TRAIP: variants seen among roughly 807,000 people sequenced by gnomAD.
TRAIP encodes TRAF interacting protein, also known as E3 ubiquitin-protein ligase TRAIP.
Under a neutral mutation model 65.0 loss-of-function variants are expected in TRAIP, and 37 were observed. That is an observed-to-expected ratio of 0.57 (90% CI 0.44 to 0.75). The LOEUF (loss-of-function observed/expected upper bound fraction) is 0.75, where lower values mean the gene tolerates loss of function less well. Ranked by LOEUF, TRAIP falls within the 30% of genes least tolerant of loss-of-function variation. The pLI is 0.00. For synonymous variants in TRAIP, 187 were observed against 219.1 expected, an observed-to-expected ratio of 0.85 and a Z score of 1.29; for missense variants, 481 against 579.4, an observed-to-expected ratio of 0.83 and a Z score of 1.74.
rs2081708827 is a variant in TRAIP, at chr3:49,829,141, G to C, written c.1372C>G (p.Leu458Val). The change falls in exon 15 of 15, where the codon CTC becomes GTC. Residue 458 changes from leucine to valine, a missense_variant. By Grantham distance (32) the Leu-to-Val change is conservative. Coordinates refer to ENST00000331456, the MANE Select transcript of TRAIP (RefSeq NM_005879.3). Reference protein sequence around the residue: ...QRVRVKTVPSLFQAKLDTFLW... With the variant: ...QRVRVKTVPSVFQAKLDTFLW... ...AAGGTGTCCAGCTTGGCCTGGAAGA[G>C]AGAAGGCACTGTCTTCACCCTCACC... 1 of 1,614,232 alleles carries C rather than the reference G, an allele frequency of 6.2e-7. No individual in the cohort carries two copies. The highest frequency in any genetic ancestry group is 8.5e-7 in the Non-Finnish European group (1 of 1,180,048).
chr3:49,842,590 A>G (rs763235477), intron 5 of TRAIP, 43 bp from the exon 6 acceptor site: 13 of 1,577,144 alleles, frequency 8.2e-6, no homozygotes, highest in Non-Finnish European at 1.1e-5. Flanking sequence ...GGAGGCCCTC[A>G]GGAGCCATTG....
chr3:49,854,286 C>CT (rs1674966541), intron 1 of TRAIP, among the ~76,000 whole-genome samples: 1 of 152,360 alleles, frequency 6.6e-6, no homozygotes, highest in East Asian at 1.9e-4. Context: ...GATTGTACCA[C>CT]TGCAGACCAG....
At chr3:49,833,761 G>A (rs1356350357) in intron 10 of TRAIP, among the ~76,000 whole-genome samples, 2 of 152,186 alleles carry the variant, frequency 1.3e-5, no homozygotes, top group African/African-American at 4.8e-5. Context: ...TTACAGGCAT[G>A]AGCCACCGCG....
intron 10 of TRAIP, among the ~76,000 whole-genome samples, chr3:49,838,690 AGCCTG>A (rs1247327057): frequency 2.0e-5 from 3 of 152,174 alleles, no homozygotes; most frequent in Non-Finnish European, 2.9e-5. Context: ...GTTCAAGACC[AGCCTG>A]GCCAACATGG....
At chr3:49,836,487 T>C (rs1240286790) in intron 10 of TRAIP, among the ~76,000 whole-genome samples, 55 of 151,586 alleles carry the variant, frequency 3.6e-4, no homozygotes, top group Non-Finnish European at 2.9e-5. Flanking sequence ...CAAGACACTG[T>C]TTCAAAAAAA....
chr3:49,856,252 T>C (rs770362195), intron 1 of TRAIP, 104 bp downstream of exon 1: 8 of 989,922 alleles, frequency 8.1e-6, no homozygotes, highest in Non-Finnish European at 1.2e-5. Flanking sequence ...AAGGTTCTCA[T>C]CACTTGTCTG....
chr3:49,831,333 T>TATAG (rs1270154968), intron 11 of TRAIP, among the ~76,000 whole-genome samples: 4 of 152,190 alleles, frequency 2.6e-5, no homozygotes, highest in Non-Finnish European at 5.9e-5. Flanking sequence ...TATGAATGAG[T>TATAG]ATAGTCCTTG....
In TRAIP at chr3:49,856,472, G is replaced by T. The variant is rs765203604; in HGVS notation, c.-19C>A. 8 of 1,607,060 alleles carry T rather than the reference G, an allele frequency of 5.0e-6. No individual in the cohort carries two copies. Among genetic ancestry groups the T allele is most frequent in the Non-Finnish European group, 6.0e-6 (7 of 1,175,776 alleles). On this transcript the variant is annotated 5_prime_UTR_variant, in exon 1 of 15. Coordinates refer to ENST00000331456, the MANE Select transcript of TRAIP (RefSeq NM_005879.3). ...TAGGCATGATGGCTGGACTCAAGGG[G>T]CCCAGGCAGCCAAAGAAACTGCTAC...
At chr3:49,854,798 T>C (rs2081958148) in intron 1 of TRAIP, among the ~76,000 whole-genome samples, 1 of 152,112 alleles carries the variant, frequency 6.6e-6, no homozygotes, top group Non-Finnish European at 1.5e-5. Flanking sequence ...GGTTCACACC[T>C]GTAATCCTAG....
chr3:49,840,107 G>A (rs533311605), intron 9 of TRAIP, among the ~76,000 whole-genome samples, 177 bp downstream of exon 9: 3 of 152,308 alleles, frequency 2.0e-5, no homozygotes, highest in Admixed American at 2.0e-4. Context: ...CCTCTGTTGA[G>A]GAGGCCCAGG....
At chr3:49,842,371 C>T in intron 6 of TRAIP, 82 bp downstream of exon 6, 1 of 1,399,554 alleles carries the variant, frequency 7.1e-7, no homozygotes, top group Non-Finnish European at 1.0e-6. Context: ...CCCAATCCCA[C>T]TCCCTGCTGC....
Position 49,835,156 on chromosome 3 carries a change from C to T in TRAIP, c.885-3088G>A, listed in dbSNP as rs534802816. On this transcript the variant is annotated intron_variant, in intron 10 of 14. Transcript: ENST00000331456. Reference sequence around the variant, plus strand: ...CCAGGGGGTGGAGGTTGCAGTGAGCCGAGATCGTGCCACTGCACTCCAGCC... The same window carrying T: ...CCAGGGGGTGGAGGTTGCAGTGAGCTGAGATCGTGCCACTGCACTCCAGCC... 6.6e-5 allele frequency among the ~76,000 whole-genome samples: 10 copies of T among 152,176 alleles called. 1 individual carries two copies. In the East Asian group the frequency reaches 1.7e-3, roughly 26 times the overall value.
intron 14 of TRAIP, 29 bp downstream of exon 14, chr3:49,829,429 C>T: frequency 6.2e-7 from 1 of 1,614,092 alleles, no homozygotes; most frequent in African/African-American, 1.3e-5. Context: ...CACAGTTCAG[C>T]TCAGCTCAAC....
intron 10 of TRAIP, among the ~76,000 whole-genome samples, chr3:49,835,427 G>C (rs925034368): frequency 2.0e-5 from 3 of 152,132 alleles, no homozygotes; most frequent in African/African-American, 7.2e-5. Context: ...AAGGGGAAAG[G>C]GGAGTTATTG....
At position 49,829,685 on chromosome 3, in the gene TRAIP, G is replaced by C; in HGVS notation, c.1168C>G (p.Arg390Gly). ...ELVGAFPIFV[R>G]NAILGQKQPK... ...TGTTTCTGGCCTAGGATGGCATTCC[G>C]GACAAAAATAGGGAAGGCACCAACC... Residue 390 changes from arginine (R) to glycine (G), a missense_variant, in exon 13 of 15, where the codon CGG becomes GGG. Arg to Gly is a moderately radical substitution (Grantham distance 125). Transcript: ENST00000331456. 1 of 1,614,128 alleles carries C rather than the reference G, an allele frequency of 6.2e-7. No homozygotes were observed. Among genetic ancestry groups the C allele is most frequent in the Non-Finnish European group, 8.5e-7 (1 of 1,180,010 alleles).
chr3:49,844,078 G>T, intron 4 of TRAIP, 150 bp from the exon 5 acceptor site: 1 of 1,091,044 alleles, frequency 9.2e-7, no homozygotes. Context: ...TCTTTCTCTG[G>T]GATGTGCCAA....
chr3:49,847,034 G>A (rs2108318980), intron 3 of TRAIP, among the ~76,000 whole-genome samples: 1 of 152,048 alleles, frequency 6.6e-6, no homozygotes, highest in East Asian at 1.9e-4. Flanking sequence ...CACAAAACTA[G>A]CCGGGTATGG....
At position 49,843,908 on chromosome 3, in the gene TRAIP, G is replaced by C. The variant is rs200230407; in HGVS notation, c.301C>G (p.Gln101Glu). Reference sequence around the variant, plus strand: ...TCCCGCAGAGTGTCGATGATGACCTGGCTGTCTCGTTTCTCCTTGTCTGGA... The same window carrying C: ...TCCCGCAGAGTGTCGATGATGACCTCGCTGTCTCGTTTCTCCTTGTCTGGA... ...SQKDKEKRDSQVIIDTLRDTL... is the reference protein window; with the variant it reads ...SQKDKEKRDSEVIIDTLRDTL... The change falls in exon 5 of 15, where the codon CAG becomes GAG. Residue 101 changes from glutamine to glutamate, a missense_variant. By Grantham distance (29) the Gln-to-Glu change is conservative (BLOSUM62 2). Transcript: ENST00000331456. 1.6e-4 allele frequency: 251 copies of C among 1,610,312 alleles called. No individual in the cohort carries two copies. Among genetic ancestry groups the C allele is most frequent in the Non-Finnish European group, 4.9e-5 (58 of 1,176,886 alleles).
chr3:49,842,190 A>G (rs2081845137), intron 6 of TRAIP, among the ~76,000 whole-genome samples: 1 of 152,154 alleles, frequency 6.6e-6, no homozygotes, highest in Non-Finnish European at 1.5e-5. Context: ...AGGTTTCTGG[A>G]AGGAAAGACC....
Sources: allele counts gnomAD v4.1 joint callset (sites outside exome capture counted in the v4.1 genomes callset), GRCh38; gene constraint gnomAD v4.1.1; transcripts MANE v1.5; gene names NCBI Gene and HGNC (gene_info 2026-07-23, HGNC 2026-07-21).